The following ZBTB8OS variants were observed in gnomAD, a reference collection of about 807,000 sequenced individuals.
ZBTB8OS encodes tRNA-splicing ligase-activating factor archease.
Under a neutral mutation model 29.3 loss-of-function variants are expected in ZBTB8OS, and 16 were observed. The observed-to-expected ratio is 0.55, with a 90% CI of 0.37 to 0.83. ZBTB8OS has a LOEUF of 0.83. Among genes scored for constraint, ZBTB8OS ranks in the 40% least tolerant of loss-of-function variants. The probability of loss-of-function intolerance (pLI) is 0.00; values close to 1 mark genes in which losing one functional copy is unlikely to be tolerated. For missense variants in ZBTB8OS, 160 were observed against 196.9 expected (o/e 0.81, Z 1.12); for synonymous variants, 70 against 64.6 (o/e 1.08, Z -0.40).
intron 1 of ZBTB8OS, among the ~76,000 whole-genome samples, chr1:32,648,385 A>T (rs1647014415): frequency 6.6e-6 from 1 of 152,260 alleles, no homozygotes; most frequent in African/African-American, 2.4e-5. Context: ...TTGATTCTAC[A>T]GATTCACTTG....
chr1:32,641,877 T>C (rs1426273834), intron 1 of ZBTB8OS, among the ~76,000 whole-genome samples: 1 of 151,996 alleles, frequency 6.6e-6, no homozygotes, highest in East Asian at 1.9e-4. Flanking sequence ...GCCGAGATTG[T>C]GCCACTGCAC....
At chr1:32,634,505 G>A (rs980453081) in intron 2 of ZBTB8OS, 18 of 528,786 alleles carry the variant, frequency 3.4e-5, no homozygotes, top group East Asian at 8.9e-5. Context: ...GATTACAGGC[G>A]TTGAGCCACC....
chr1:32,623,887 T>C (rs1644914065), intron 6 of ZBTB8OS, among the ~76,000 whole-genome samples: 1 of 152,230 alleles, frequency 6.6e-6, no homozygotes, highest in Admixed American at 6.5e-5. Flanking sequence ...TGAACTGTAG[T>C]GCTCATAATC....
At chr1:32,624,304 G>A (rs1211816467) in intron 6 of ZBTB8OS, among the ~76,000 whole-genome samples, 2 of 152,064 alleles carry the variant, frequency 1.3e-5, no homozygotes, top group Non-Finnish European at 2.9e-5. Context: ...ATTATATTAT[G>A]TGTTTACATG....
rs767119854 is a variant in ZBTB8OS at position 32,650,541 on chromosome 1, T to TA, written c.-13dup. ...TCTTCCTGCGCCATGACTGCAGGAT[T>TA]AGACACTCTACTTCCGCCCTTCATC... On this transcript the variant is annotated 5_prime_UTR_variant, in exon 1 of 7. Transcript: ENST00000468695. 4 of 1,614,144 alleles carry TA rather than the reference T, an allele frequency of 2.5e-6. No homozygotes were observed. In the South Asian group the frequency reaches 3.3e-5, roughly 13 times the overall value.
chr1:32,622,992 C>T (rs1644854818), intron 6 of ZBTB8OS, among the ~76,000 whole-genome samples: 1 of 152,172 alleles, frequency 6.6e-6, no homozygotes, highest in African/African-American at 2.4e-5. Context: ...AAGCTCTCCA[C>T]ACGTCTCTGA....
chr1:32,623,411 C>T (rs1644881560), intron 6 of ZBTB8OS, among the ~76,000 whole-genome samples: 2 of 152,202 alleles, frequency 1.3e-5, no homozygotes, highest in Admixed American at 1.3e-4. Flanking sequence ...TTCTCTTCTC[C>T]TCTAGTGATC....
chr1:32,636,379 T>C (rs1172117689), intron 1 of ZBTB8OS, among the ~76,000 whole-genome samples: 1 of 152,028 alleles, frequency 6.6e-6, no homozygotes, highest in Non-Finnish European at 1.5e-5. Flanking sequence ...GTTAACCCAT[T>C]GGGCGGTTAC....
intron 1 of ZBTB8OS, among the ~76,000 whole-genome samples, chr1:32,642,008 T>A (rs1347782903): frequency 6.6e-6 from 1 of 152,212 alleles, no homozygotes; most frequent in African/African-American, 2.4e-5. Flanking sequence ...AACTCTGATT[T>A]TTTTTTATCT....
At chr1:32,624,073 G>A (rs1056898123) in intron 6 of ZBTB8OS, among the ~76,000 whole-genome samples, 3 of 152,054 alleles carry the variant, frequency 2.0e-5, no homozygotes, top group Non-Finnish European at 4.4e-5. Context: ...AAGAAGGAAG[G>A]GTTTGCTTCC....
intron 5 of ZBTB8OS, among the ~76,000 whole-genome samples, chr1:32,630,831 G>C (rs1433778453): frequency 6.6e-6 from 1 of 151,758 alleles, no homozygotes; most frequent in Middle Eastern, 3.2e-3. Context: ...GGCCAACACA[G>C]TGAAACCCCG....
Position 32,650,533 on chromosome 1 carries a change from T to C in ZBTB8OS, c.-4A>G. ...CATCTTCCTCTTCCTGCGCCATGAC[T>C]GCAGGATTAGACACTCTACTTCCGC... On this transcript the variant is annotated 5_prime_UTR_variant, in exon 1 of 7. Transcript: ENST00000468695. The C allele has an allele frequency of 6.2e-7, 1 of 1,614,178 alleles. No homozygotes were observed. Among genetic ancestry groups the C allele is most frequent in the Non-Finnish European group, 8.5e-7 (1 of 1,180,022 alleles).
In ZBTB8OS at chr1:32,631,992, C is replaced by CTTTT. The variant is rs71006345; in HGVS notation, c.328-117_328-114dup. 40 of 135,738 alleles carry CTTTT rather than the reference C, an allele frequency of 2.9e-4. 1 individual carries two copies. The highest frequency in any genetic ancestry group is 6.4e-4 in the South Asian group (6 of 9,344). The allele number at this position is 135,738 out of a possible 1,614,324, so 8.4% of individuals were successfully genotyped here. ...ACCATCTACTAAAAATTGGTAAAAC[C>CTTTT]TTTTTTTTTTTTTTTTTTTTTTTTT... is the stretch of plus-strand genomic sequence containing the variant. On this transcript the variant is annotated intron_variant, in intron 4 of 6. Coordinates refer to ENST00000468695, the MANE Select transcript of ZBTB8OS (RefSeq NM_178547.5).
At chr1:32,639,088 A>T (rs545949336) in intron 1 of ZBTB8OS, among the ~76,000 whole-genome samples, 1 of 151,952 alleles carries the variant, frequency 6.6e-6, no homozygotes, top group East Asian at 1.9e-4. Context: ...ACTTGAGGTC[A>T]GGAATTCGAG....
chr1:32,627,378 AGGTCAGAGAAGCTTGAGAAAAACTT>A, intron 6 of ZBTB8OS, 105 bp downstream of exon 6: 1 of 755,476 alleles, frequency 1.3e-6, no homozygotes, highest in Non-Finnish European at 2.2e-6. Flanking sequence ...ATATCCAGAC[AGGTCAGAGAAGCTTGAGAAAAACTT>A]ATCACTTTAC....
intron 1 of ZBTB8OS, among the ~76,000 whole-genome samples, chr1:32,642,365 G>A (rs559707759): frequency 1.3e-5 from 2 of 151,976 alleles, no homozygotes; most frequent in East Asian, 3.9e-4. Context: ...TTAGCTGGGC[G>A]TAGTGGCAGG....
At chr1:32,647,678 T>C (rs914539872) in intron 1 of ZBTB8OS, among the ~76,000 whole-genome samples, 1 of 152,182 alleles carries the variant, frequency 6.6e-6, no homozygotes, top group African/African-American at 2.4e-5. Context: ...GAACTGCACA[T>C]TGAGGGATCT....
In ZBTB8OS at chr1:32,631,800, G is replaced by T. The variant is rs374971477; in HGVS notation, c.380+27C>A. 4 of 1,512,632 alleles carry T rather than the reference G, an allele frequency of 2.6e-6. No individual in the cohort carries two copies. The African/African-American group carries it at 4.2e-5, about 16-fold the overall frequency. The allele number at this position is 1,512,632 out of a possible 1,614,324, so 93.7% of individuals were successfully genotyped here. ...TCAATGAAGAATATAACTTTAACTCGGTACTTAAAAGACTTTCAAAACTTA... is the reference window on the plus strand; with the variant it reads ...TCAATGAAGAATATAACTTTAACTCTGTACTTAAAAGACTTTCAAAACTTA... On this transcript the variant is annotated intron_variant, in intron 5 of 6. Coordinates refer to ENST00000468695, the MANE Select transcript of ZBTB8OS (RefSeq NM_178547.5).
At chr1:32,649,230 A>T (rs962274357) in intron 1 of ZBTB8OS, among the ~76,000 whole-genome samples, 2 of 152,070 alleles carry the variant, frequency 1.3e-5, no homozygotes, top group African/African-American at 4.8e-5. Context: ...AGTCTCGCAA[A>T]GTGCTGGGAT....
Sources: gnomAD v4.1 joint callset for allele counts (sites outside exome capture counted in the v4.1 genomes callset) on GRCh38, gnomAD v4.1.1 for gene constraint, MANE v1.5 for transcripts, NCBI Gene and HGNC (gene_info 2026-07-23, HGNC 2026-07-21) for gene names.